The following ZC3H13 variants were observed in gnomAD, a reference collection of about 807,000 sequenced individuals.
ZC3H13 encodes zinc finger CCCH domain-containing protein 13.
ZC3H13 carries 64 observed loss-of-function variants against 204.1 expected under a neutral mutation model. The observed-to-expected ratio is 0.31, with a 90% confidence interval of 0.26 to 0.39. The LOEUF is 0.39. Ranked by LOEUF, ZC3H13 falls within the 10% of genes least tolerant of loss-of-function variation. The pLI is 1.00. For synonymous variants in ZC3H13, 667 were observed against 693.7 expected (o/e 0.96, Z 0.60); for missense variants, 1,833 against 2,082.7 (o/e 0.88, Z 2.33).
intron 4 of ZC3H13, among the ~76,000 whole-genome samples, chr13:46,034,196 G>A (rs2043070812): frequency 6.6e-6 from 1 of 152,106 alleles, no homozygotes; most frequent in Non-Finnish European, 1.5e-5. Flanking sequence ...TTCAGTGTAG[G>A]TGGAGATGCA....
rs554949339 is a variant in ZC3H13 at position 46,009,573 on chromosome 13, C to T, written c.746+775G>A. On this transcript the variant is annotated intron_variant, in intron 7 of 18. Transcript: ENST00000679008. ...GGTTCAAATAGACAGGGCTTGTTAA[C>T]TGATTAAATCTTAGGTAGAAGATAT... Among the ~76,000 whole-genome samples, 19 of 152,036 alleles carry T rather than the reference C, an allele frequency of 1.2e-4. No homozygotes were observed. The South Asian group carries it at 3.5e-3, about 28-fold the overall frequency.
chr13:45,978,728 A>T (rs538598833), intron 11 of ZC3H13, among the ~76,000 whole-genome samples: 9 of 152,098 alleles, frequency 5.9e-5, no homozygotes, highest in Non-Finnish European at 1.3e-4. Flanking sequence ...ATATGAAAAT[A>T]GAAAAAAAGG....
At chr13:45,991,193 A>G (rs2039944583) in intron 8 of ZC3H13, among the ~76,000 whole-genome samples, 1 of 152,226 alleles carries the variant, frequency 6.6e-6, no homozygotes. Context: ...GGTATACTTA[A>G]AATTGTTTCA....
intron 5 of ZC3H13, among the ~76,000 whole-genome samples, chr13:46,013,967 C>T (rs1021050187): frequency 2.0e-5 from 3 of 151,976 alleles, no homozygotes; most frequent in East Asian, 1.9e-4. Context: ...AAAGTATACA[C>T]ATATTTTTTC....
Position 46,003,136 on chromosome 13 carries a change from T to C in ZC3H13, c.944+3A>G, listed in dbSNP as rs1182052673. 5 of 1,608,444 alleles carry C rather than the reference T, an allele frequency of 3.1e-6. No individual in the cohort carries two copies. Among genetic ancestry groups the C allele is most frequent in the East Asian group, 2.2e-5 (1 of 44,802 alleles). On this transcript the variant is annotated splice_donor_region_variant and intron_variant, in intron 8 of 18. Transcript: ENST00000679008. ...ATTGTTAAAAACATACAATCCTACTTACCTTGGCTTGTCTCTCTTTTCTCT... is the reference window on the plus strand; with the variant it reads ...ATTGTTAAAAACATACAATCCTACTCACCTTGGCTTGTCTCTCTTTTCTCT...
At chr13:46,034,758 A>G (rs2043108994) in intron 4 of ZC3H13, among the ~76,000 whole-genome samples, 1 of 152,108 alleles carries the variant, frequency 6.6e-6, no homozygotes, top group Non-Finnish European at 1.5e-5. Flanking sequence ...AGTAAATTTA[A>G]AAAAAAGGCT....
chr13:46,036,570 G>A lies in ZC3H13; in HGVS notation c.339+5594C>T, dbSNP rs76070880. Among the ~76,000 whole-genome samples the A allele has an allele frequency of 6.3e-4, 95 of 151,938 alleles. 1 individual carries two copies. The East Asian group carries it at 0.017, about 27-fold the overall frequency. The stretch of plus-strand genomic sequence containing the variant: ...TGTGAAGTCTCAAAAGAAAAACCTC[G>A]AGGTGGAAAAGAAAAAAAACAAAAC... On this transcript the variant is annotated intron_variant, in intron 4 of 18. Transcript: ENST00000679008.
chr13:45,975,786 C>T lies in ZC3H13; in HGVS notation c.1965G>A (p.Glu655=). 1 of 1,613,894 alleles carries T rather than the reference C, an allele frequency of 6.2e-7. No homozygotes were observed. Among genetic ancestry groups the T allele is most frequent in the East Asian group, 2.2e-5 (1 of 44,870 alleles). ...IRHQGRNDEL[E]RDERREERRV... ...TTCGTTCCTCTCTTCTTTCATCACG[C>T]TCAAGCTCGTCATTCCTTCCCTGAT... The change falls in exon 12 of 19, where the codon GAG becomes GAA. Residue 655 remains glutamate (E), a synonymous_variant. Coordinates refer to ENST00000679008, the MANE Select transcript of ZC3H13 (RefSeq NM_001330564.2).
chr13:46,047,018 T>TA (rs1440774008), intron 1 of ZC3H13, among the ~76,000 whole-genome samples: 1 of 152,186 alleles, frequency 6.6e-6, no homozygotes, highest in African/African-American at 2.4e-5. Context: ...AAAGTTTCAT[T>TA]TAGTCTCTAT....
chr13:46,034,174 G>C (rs144932326), intron 4 of ZC3H13, among the ~76,000 whole-genome samples: 26 of 152,256 alleles, frequency 1.7e-4, no homozygotes, highest in African/African-American at 6.3e-4. Flanking sequence ...TAAGAATACA[G>C]AGAGAAAATT....
chr13:45,975,890 G>A, intron 11 of ZC3H13, 52 bp from the exon 12 acceptor site: 1 of 1,563,626 alleles, frequency 6.4e-7, no homozygotes. Context: ...ATAACCTATT[G>A]GTAAGACAGC....
At chr13:45,977,257 C>G (rs529167399) in intron 11 of ZC3H13, among the ~76,000 whole-genome samples, 2 of 152,226 alleles carry the variant, frequency 1.3e-5, no homozygotes, top group South Asian at 4.1e-4. Context: ...TGTCTGAATT[C>G]CTGGTTTGGA....
chr13:45,970,527 GT>G, intron 12 of ZC3H13, 62 bp from the exon 13 acceptor site: 2 of 1,390,666 alleles, frequency 1.4e-6, no homozygotes, highest in East Asian at 2.3e-5. Context: ...AGATTTTTTT[GT>G]TTTTACTAGT....
rs538025999 is a variant in ZC3H13 at position 46,014,799 on chromosome 13, G to A, written c.449-3245C>T. On this transcript the variant is annotated intron_variant, in intron 5 of 18. Transcript: ENST00000679008. ...GCTAACAGTTTAGTGTCATATGCAT[G>A]AAAATAATGTTTTACATTTTTCCCT... Among the ~76,000 whole-genome samples the A allele has an allele frequency of 2.6e-5, 4 of 152,234 alleles. No individual in the cohort carries two copies. In the South Asian group the frequency reaches 6.2e-4, roughly 24 times the overall value.
chr13:45,989,679 C>T (rs756381040), intron 8 of ZC3H13, among the ~76,000 whole-genome samples: 1 of 152,182 alleles, frequency 6.6e-6, no homozygotes, highest in Non-Finnish European at 1.5e-5. Flanking sequence ...GTGGGCAGCA[C>T]AAACTGAGAG....
Position 45,957,017 on chromosome 13 carries a change from T to TA in ZC3H13, c.*109dup. 1.9e-6 allele frequency: 2 copies of TA among 1,030,488 alleles called. No individual in the cohort carries two copies. The highest frequency in any genetic ancestry group is 2.6e-6 in the Non-Finnish European group (2 of 783,394). 63.8% of individuals were successfully genotyped at this position (1,030,488 alleles called of 1,614,324 possible). ...TTCTTCACTCTTTTAGCATGGCTGA[T>TA]AAATCTTTTCTGCCTTTGTCACTAA... On this transcript the variant is annotated 3_prime_UTR_variant, in exon 19 of 19. Coordinates refer to ENST00000679008, the MANE Select transcript of ZC3H13 (RefSeq NM_001330564.2).
Position 45,954,800 on chromosome 13 carries a change from T to C in ZC3H13, c.*2327A>G, listed in dbSNP as rs1415361920. 6.6e-6 allele frequency: 1 copy of C among 152,214 alleles called. No homozygotes were observed. Among genetic ancestry groups the C allele is most frequent in the Non-Finnish European group, 1.5e-5 (1 of 68,040 alleles). 9.4% of individuals were successfully genotyped at this position (152,214 alleles called of 1,614,324 possible). ...ATCCTAATGTAGTCATAGGCTAGGA[T>C]GGTGACGACAATCTGCAATTACTGG... On this transcript the variant is annotated 3_prime_UTR_variant, in exon 19 of 19. Transcript: ENST00000679008.
intron 4 of ZC3H13, among the ~76,000 whole-genome samples, chr13:46,022,112 T>A (rs1034936273): frequency 1.5e-4 from 23 of 151,914 alleles, no homozygotes; most frequent in African/African-American, 4.8e-4. Flanking sequence ...GTTGTATCAA[T>A]AAATGTCATT....
At chr13:45,977,668 T>C in intron 11 of ZC3H13, among the ~76,000 whole-genome samples, 1 of 152,140 alleles carries the variant, frequency 6.6e-6, no homozygotes. Context: ...TCTTTGTTCC[T>C]TTTCCTGTCC....
Sources: allele counts gnomAD v4.1 joint callset (sites outside exome capture counted in the v4.1 genomes callset), GRCh38; gene constraint gnomAD v4.1.1; transcripts MANE v1.5; gene names NCBI Gene and HGNC (gene_info 2026-07-23, HGNC 2026-07-21).